Variants in RBPMS observed in about 807,000 individuals in gnomAD.
The protein encoded by RBPMS is RNA binding protein, mRNA processing factor.
Under a neutral mutation model 26.8 loss-of-function variants are expected in RBPMS, and 7 were observed. That is an observed-to-expected ratio of 0.26 (90% CI 0.15 to 0.49). RBPMS has a LOEUF of 0.49. Among genes scored for constraint, RBPMS ranks in the 20% least tolerant of loss-of-function variants. The pLI, the probability that RBPMS is intolerant of heterozygous loss-of-function variation, is 0.98. For missense variants in RBPMS, 186 were observed against 250.0 expected (o/e 0.74, Z 1.73); for synonymous variants, 96 against 93.3 (o/e 1.03, Z -0.17).
At chr8:30,462,847 G>A (rs1254646913) in intron 1 of RBPMS, among the ~76,000 whole-genome samples, 1 of 152,166 alleles carries the variant, frequency 6.6e-6, no homozygotes, top group Non-Finnish European at 1.5e-5. Context: ...AAGGATGCAT[G>A]AGGAGCATGA....
intron 3 of RBPMS, among the ~76,000 whole-genome samples, chr8:30,478,133 C>G (rs1817888597): frequency 6.6e-6 from 1 of 152,184 alleles, no homozygotes; most frequent in African/African-American, 2.4e-5. Flanking sequence ...ATTCCCAAGT[C>G]TTTCCCATTT....
At chr8:30,535,297 G>C (rs1296694256) in intron 5 of RBPMS, among the ~76,000 whole-genome samples, 1 of 152,166 alleles carries the variant, frequency 6.6e-6, no homozygotes, top group East Asian at 1.9e-4. Context: ...AATATGTTCT[G>C]TGTGCCAGAC....
chr8:30,485,330 A>C (rs544243150), intron 4 of RBPMS, among the ~76,000 whole-genome samples: 1 of 152,318 alleles, frequency 6.6e-6, no homozygotes, highest in South Asian at 2.1e-4. Context: ...CCCCCACCAG[A>C]CACTATATCA....
rs36017963 is a variant in RBPMS at position 30,519,458 on chromosome 8, CTTTTTTTTTTTTTTTTTTTT to C, written c.397+15045_397+15064del. Among the ~76,000 whole-genome samples the C allele has an allele frequency of 6.6e-4, 59 of 89,490 alleles. 4 individuals carry two copies. The highest frequency in any genetic ancestry group is 1.2e-3 in the Admixed American group (8 of 6,628). The allele number at this position is 89,490 out of a possible 152,430, so 58.7% of individuals were successfully genotyped here. A position where few individuals can be genotyped will look rare whatever the true frequency, so the allele number is the denominator to read the frequency against. On this transcript the variant is annotated intron_variant, in intron 5 of 8. Transcript: ENST00000397323. The stretch of plus-strand genomic sequence containing the variant: ...TCACCCTACGTGGGAGGATCTCTCT[CTTTTTTTTTTTTTTTTTTTT>C]TTTTTTTTTTTTTTTTTTTTTTGGA...
chr8:30,463,555 T>C (rs1230767552), intron 1 of RBPMS, among the ~76,000 whole-genome samples: 7 of 152,364 alleles, frequency 4.6e-5, no homozygotes, highest in Admixed American at 2.6e-4. Context: ...ATACCTTTTT[T>C]GATGCAGTCT....
intron 1 of RBPMS, among the ~76,000 whole-genome samples, chr8:30,449,664 C>G (rs1260933101): frequency 1.3e-5 from 2 of 152,184 alleles, no homozygotes; most frequent in Non-Finnish European, 2.9e-5. Flanking sequence ...AACCACCGTG[C>G]CCGGCCCACA....
chr8:30,451,040 A>G (rs1814526684), intron 1 of RBPMS, among the ~76,000 whole-genome samples: 1 of 152,210 alleles, frequency 6.6e-6, no homozygotes, highest in Non-Finnish European at 1.5e-5. Flanking sequence ...CCCTGGAGGT[A>G]GAAAATGTAA....
chr8:30,475,841 A>G (rs1817631266), intron 2 of RBPMS, among the ~76,000 whole-genome samples: 1 of 152,208 alleles, frequency 6.6e-6, no homozygotes, highest in South Asian at 2.1e-4. Flanking sequence ...AGTCCACCTG[A>G]CAGCCATCGC....
chr8:30,527,993 T>G (rs1389720788), intron 5 of RBPMS, among the ~76,000 whole-genome samples: 8 of 152,156 alleles, frequency 5.3e-5, no homozygotes, highest in South Asian at 2.1e-4. Flanking sequence ...CTGGTCAACA[T>G]GGTGAAACCC....
intron 5 of RBPMS, among the ~76,000 whole-genome samples, chr8:30,526,125 T>A (rs968601085): frequency 1.3e-5 from 2 of 152,208 alleles, no homozygotes; most frequent in African/African-American, 4.8e-5. Flanking sequence ...GTGCAGGCCC[T>A]TCATGATCTG....
rs893744262 is a variant in RBPMS at position 30,570,873 on chromosome 8, A to C, written c.*348A>C. The stretch of plus-strand genomic sequence containing the variant: ...GTCAACAATAAAACCAAGAAAAGTG[A>C]GTATTTTTATACCAAACATTTTAAG... On this transcript the variant is annotated 3_prime_UTR_variant, in exon 9 of 9. Transcript: ENST00000397323. 6 of 152,410 alleles carry C rather than the reference A, an allele frequency of 3.9e-5. No individual in the cohort carries two copies. In the East Asian group the frequency reaches 1.2e-3, roughly 29 times the overall value. 9.4% of individuals were successfully genotyped at this position (152,410 alleles called of 1,614,324 possible).
chr8:30,560,396 G>A (rs1827358483), intron 7 of RBPMS, among the ~76,000 whole-genome samples: 1 of 152,170 alleles, frequency 6.6e-6, no homozygotes. Context: ...AGTGTCGGAA[G>A]CCCACAGACG....
At chr8:30,468,587 T>C (rs1816762947) in intron 1 of RBPMS, among the ~76,000 whole-genome samples, 1 of 152,204 alleles carries the variant, frequency 6.6e-6, no homozygotes, top group African/African-American at 2.4e-5. Flanking sequence ...TATATCTCCA[T>C]GGATACAGGA....
At chr8:30,416,561 C>A (rs1810101652) in intron 1 of RBPMS, among the ~76,000 whole-genome samples, 1 of 152,174 alleles carries the variant, frequency 6.6e-6, no homozygotes, top group Non-Finnish European at 1.5e-5. Context: ...TGGCCCACTG[C>A]AAGCTCCGTC....
chr8:30,567,977 C>G (rs1229804343), intron 8 of RBPMS, among the ~76,000 whole-genome samples: 1 of 152,144 alleles, frequency 6.6e-6, no homozygotes, highest in African/African-American at 2.4e-5. Context: ...TGTGACCTAC[C>G]CTTGGAGGGC....
chr8:30,484,010 T>C (rs1278266042), intron 4 of RBPMS, among the ~76,000 whole-genome samples: 1 of 152,200 alleles, frequency 6.6e-6, no homozygotes, highest in Non-Finnish European at 1.5e-5. Flanking sequence ...GACACTTAGA[T>C]TGTTTCCATG....
rs7824476 is a variant in RBPMS, at chr8:30,522,788, T to C, written c.397+18352T>C. The stretch of plus-strand genomic sequence containing the variant: ...TTTTTAAAAAATAAATACTTATGTT[T>C]CTGACAGGCAAAAATGGCATGACAT... On this transcript the variant is annotated intron_variant, in intron 5 of 8. Coordinates refer to ENST00000397323, the MANE Select transcript of RBPMS (RefSeq NM_001008710.3). Among the ~76,000 whole-genome samples the C allele has an allele frequency of 9.8e-3, 1,492 of 152,310 alleles. 23 individuals carry two copies. Among genetic ancestry groups the C allele is most frequent in the African/African-American group, 0.031 (1,278 of 41,566 alleles).
At chr8:30,458,081 A>C (rs548287555) in intron 1 of RBPMS, among the ~76,000 whole-genome samples, 1 of 152,240 alleles carries the variant, frequency 6.6e-6, no homozygotes, top group South Asian at 2.1e-4. Context: ...CCTCCTGTAC[A>C]TTTGAATCAT....
At chr8:30,416,723 T>G (rs1225271389) in intron 1 of RBPMS, among the ~76,000 whole-genome samples, 7 of 152,078 alleles carry the variant, frequency 4.6e-5, no homozygotes. Context: ...TCCGCCTGCC[T>G]CGGCCTCCCA....
Sources: allele counts gnomAD v4.1 joint callset (sites outside exome capture counted in the v4.1 genomes callset), GRCh38; gene constraint gnomAD v4.1.1; transcripts MANE v1.5; gene names NCBI Gene and HGNC (gene_info 2026-07-23, HGNC 2026-07-21).